The following MLLT1 variants were observed in gnomAD, a reference collection of about 807,000 sequenced individuals.
MLLT1 encodes MLLT1 super elongation complex subunit, also known as protein ENL.
A neutral mutation model predicts 55.1 loss-of-function variants in MLLT1; 11 were observed. The observed-to-expected ratio is 0.20, with a 90% CI of 0.13 to 0.33. The LOEUF is 0.33. MLLT1 is among the 10% of genes least tolerant of loss of function. MLLT1 has a pLI of 1.00. For missense variants in MLLT1, 536 were observed against 760.6 expected (o/e 0.70, Z 3.47); for synonymous variants, 323 against 320.1 (o/e 1.01, Z -0.10).
chr19:6,214,127 G>A (rs1403752982), intron 8 of MLLT1, 89 bp from the exon 9 acceptor site: 5 of 747,072 alleles, frequency 6.7e-6, no homozygotes, highest in Non-Finnish European at 9.7e-6. Flanking sequence ...CCCGCACGGA[G>A]TCGGTGCCTG....
In MLLT1 at chr19:6,240,314, C is replaced by T. The variant is rs917482395; in HGVS notation, c.277-9601G>A. ...CAGGCCTGCCTGGAAGAGGCTGGCCCTGGTCAGGGGAGGCGGGGGAGTTTT... is the reference window on the plus strand; with the variant it reads ...CAGGCCTGCCTGGAAGAGGCTGGCCTTGGTCAGGGGAGGCGGGGGAGTTTT... On this transcript the variant is annotated intron_variant, in intron 3 of 11. Transcript: ENST00000252674. This position sits in a 1 kb window ranked among gnomAD's most constrained non-coding sequence, Gnocchi z 4.7. Among the ~76,000 whole-genome samples the T allele has an allele frequency of 2.0e-5, 3 of 152,250 alleles. No homozygotes were observed. Among genetic ancestry groups the T allele is most frequent in the Admixed American group, 1.3e-4 (2 of 15,290 alleles).
intron 2 of MLLT1, among the ~76,000 whole-genome samples, chr19:6,264,892 TAAAAA>T: frequency 1.4e-5 from 1 of 73,634 alleles, no homozygotes; most frequent in Middle Eastern, 0.011. Context: ...GAAACTCTGT[TAAAAA>T]AAAAAAAAAA....
chr19:6,219,435 T>C lies in MLLT1; in HGVS notation c.1111-1394A>G, dbSNP rs556467830. ...GCTGGGCCTGCCTGGAGCTGGGTGA[T>C]GCACAGCCTGGACTTCTGTTCTTGG... On this transcript the variant is annotated intron_variant, in intron 6 of 11. Coordinates refer to ENST00000252674, the MANE Select transcript of MLLT1 (RefSeq NM_005934.4). The surrounding 1 kb of genome is among the most constrained non-coding windows in gnomAD (Gnocchi z 4.5). Among the ~76,000 whole-genome samples the C allele has an allele frequency of 6.6e-6, 1 of 152,242 alleles. No homozygotes were observed. Among genetic ancestry groups the C allele is most frequent in the Non-Finnish European group, 1.5e-5 (1 of 68,014 alleles).
At chr19:6,225,151 G>T (rs1396588275) in intron 5 of MLLT1, among the ~76,000 whole-genome samples, 1 of 152,212 alleles carries the variant, frequency 6.6e-6, no homozygotes, top group Non-Finnish European at 1.5e-5. Flanking sequence ...CTGTGAGAGG[G>T]TCCTGCCCCC....
chr19:6,247,351 G>A (rs2091178239), intron 3 of MLLT1, among the ~76,000 whole-genome samples: 1 of 152,136 alleles, frequency 6.6e-6, no homozygotes, highest in Non-Finnish European at 1.5e-5. Context: ...CTAGGGCTGG[G>A]GCAGGGAAAT....
intron 7 of MLLT1, 125 bp downstream of exon 7, chr19:6,217,829 C>T: frequency 7.4e-7 from 1 of 1,359,510 alleles, no homozygotes; most frequent in Non-Finnish European, 9.7e-7. Flanking sequence ...CCACCAAAAC[C>T]CTCCATGTAC....
At position 6,213,364 on chromosome 19, in the gene MLLT1, C is replaced by T. The variant is rs777930521; in HGVS notation, c.1524G>A (p.Ala508=). The stretch of plus-strand genomic sequence containing the variant: ...GCTGCAGCACGTTGCGCTCCCGCAG[C>T]GCCATCAGCCTCCGGTGTAGCTCCA... The part of the protein sequence containing the change: ...ELVELHRRLM[A]LRERNVLQQI... Residue 508 remains alanine (A), a synonymous_variant, in exon 11 of 12, where the codon GCG becomes GCA. Coordinates refer to ENST00000252674, the MANE Select transcript of MLLT1 (RefSeq NM_005934.4). The T allele has an allele frequency of 1.7e-5, 27 of 1,612,040 alleles. No individual in the cohort carries two copies. Among genetic ancestry groups the T allele is most frequent in the African/African-American group, 4.0e-5 (3 of 74,910 alleles).
intron 1 of MLLT1, among the ~76,000 whole-genome samples, chr19:6,272,976 T>C (rs1354911386): frequency 2.0e-5 from 3 of 152,288 alleles, no homozygotes; most frequent in Non-Finnish European, 2.9e-5. Context: ...AATTAATTTT[T>C]AAAAGGAAAG....
chr19:6,217,468 T>C (rs1286930643), intron 7 of MLLT1, among the ~76,000 whole-genome samples: 4 of 152,130 alleles, frequency 2.6e-5, no homozygotes, highest in Non-Finnish European at 4.4e-5. Context: ...AATGGGCCTA[T>C]GTCCTTTCCC....
rs369277731 is a variant in MLLT1 at position 6,224,069 on chromosome 19, A to G, written c.547-1385T>C. On this transcript the variant is annotated intron_variant, in intron 5 of 11. Transcript: ENST00000252674. ...GACATGCGGGAGGGGCAGGCTGGGT[A>G]GAGGCCTCTGAAAACCACCTGAGTG... Among the ~76,000 whole-genome samples, 19 of 152,236 alleles carry G rather than the reference A, an allele frequency of 1.2e-4. No individual in the cohort carries two copies. In the South Asian group the frequency reaches 3.9e-3, roughly 32 times the overall value.
At chr19:6,279,369 G>A (rs527586751) in intron 1 of MLLT1, among the ~76,000 whole-genome samples, 1 of 152,106 alleles carries the variant, frequency 6.6e-6, no homozygotes, top group Non-Finnish European at 1.5e-5. Context: ...CAGATCCCAG[G>A]AAGTGCCTGG....
intron 3 of MLLT1, among the ~76,000 whole-genome samples, chr19:6,250,410 C>G (rs1291132683): frequency 6.6e-6 from 1 of 152,218 alleles, no homozygotes; most frequent in Non-Finnish European, 1.5e-5. Context: ...AGCAATTCCA[C>G]TCTAAGGTAT....
chr19:6,260,537 C>T (rs185359096), intron 3 of MLLT1, among the ~76,000 whole-genome samples: 350 of 152,386 alleles, frequency 2.3e-3, no homozygotes, highest in Non-Finnish European at 3.3e-3. Context: ...CCCTGCCCCA[C>T]CTGCCTCCGA....
At position 6,240,953 on chromosome 19, in the gene MLLT1, C is replaced by A. The variant is rs144005035; in HGVS notation, c.277-10240G>T. 6.6e-6 allele frequency among the ~76,000 whole-genome samples: 1 copy of A among 152,298 alleles called. No homozygotes were observed. The highest frequency in any genetic ancestry group is 2.4e-5 in the African/African-American group (1 of 41,552). The stretch of plus-strand genomic sequence containing the variant: ...TGGCTTCTATTAACTGGAAGCCAAA[C>A]TTAATGATTTCTCCTCAGTCTGACA... On this transcript the variant is annotated intron_variant, in intron 3 of 11. Coordinates refer to ENST00000252674, the MANE Select transcript of MLLT1 (RefSeq NM_005934.4). The surrounding 1 kb of genome is among the most constrained non-coding windows in gnomAD (Gnocchi z 4.7).
At chr19:6,267,756 G>A (rs1403933633) in intron 2 of MLLT1, among the ~76,000 whole-genome samples, 1 of 152,142 alleles carries the variant, frequency 6.6e-6, no homozygotes, top group Non-Finnish European at 1.5e-5. Flanking sequence ...ATCTATAATC[G>A]GGGAGCGAAG....
rs555011069 is a variant in MLLT1 at position 6,229,001 on chromosome 19, G to A, written c.420+1569C>T. On this transcript the variant is annotated intron_variant, in intron 4 of 11. Transcript: ENST00000252674. This position sits in a 1 kb window ranked among gnomAD's most constrained non-coding sequence, Gnocchi z 5.2. ...GCCCCTGGCTTTTATGTGTTGAGAC[G>A]ATGCCCTCAGAGCCTTCATCGCTGT... Among the ~76,000 whole-genome samples, 9 of 152,270 alleles carry A rather than the reference G, an allele frequency of 5.9e-5. No individual in the cohort carries two copies. Among genetic ancestry groups the A allele is most frequent in the Non-Finnish European group, 1.0e-4 (7 of 68,010 alleles).
chr19:6,274,724 G>A (rs1168373518), intron 1 of MLLT1, among the ~76,000 whole-genome samples: 1 of 152,204 alleles, frequency 6.6e-6, no homozygotes, highest in Non-Finnish European at 1.5e-5. Flanking sequence ...AAAAGCCCAG[G>A]ATAAAGGGGA....
chr19:6,211,748 C>G lies in MLLT1; in HGVS notation c.*1294G>C. The G allele has an allele frequency of 9.4e-7, 1 of 1,064,670 alleles. No individual in the cohort carries two copies. Among genetic ancestry groups the G allele is most frequent in the Non-Finnish European group, 1.1e-6 (1 of 878,840 alleles). The allele number at this position is 1,064,670 out of a possible 1,614,324, so 66.0% of individuals were successfully genotyped here. ...CAGGCAGGCCTCCAGCCCCTGGGAC[C>G]CCCAGCCACGATGGGCTGGCTCCGC... On this transcript the variant is annotated 3_prime_UTR_variant, in exon 12 of 12. Transcript: ENST00000252674. The surrounding 1 kb of genome is among the most constrained non-coding windows in gnomAD (Gnocchi z 4.6).
In MLLT1 at chr19:6,231,215, C is replaced by A. The variant is rs375608904; in HGVS notation, c.277-502G>T. On this transcript the variant is annotated intron_variant, in intron 3 of 11. Transcript: ENST00000252674. This position sits in a 1 kb window ranked among gnomAD's most constrained non-coding sequence, Gnocchi z 5.1. ...AGGGGGCAAAAGTACAAGGTCACGA[C>A]CCAGTTTCCAGGAGGCTCTGTCCAC... Among the ~76,000 whole-genome samples, 6 of 152,218 alleles carry A rather than the reference C, an allele frequency of 3.9e-5. No individual in the cohort carries two copies. In the East Asian group the frequency reaches 1.2e-3, roughly 29 times the overall value.
Sources: gnomAD v4.1 joint callset for allele counts (sites outside exome capture counted in the v4.1 genomes callset) on GRCh38, gnomAD v4.1.1 for gene constraint, Gnocchi (gnomAD v3.1) non-coding constraint, MANE v1.5 for transcripts, NCBI Gene and HGNC (gene_info 2026-07-23, HGNC 2026-07-21) for gene names.